Variants in CCL17 observed in about 807,000 individuals in gnomAD.
CCL17 encodes C-C motif chemokine 17.
In CCL17, 8 loss-of-function variants were observed where a neutral mutation model predicts 7.4. The observed-to-expected ratio is 1.09, with a 90% CI of 0.64 to 1.96. The LOEUF (loss-of-function observed/expected upper bound fraction) is 1.96. Ranked by LOEUF, CCL17 falls within the 30% of genes most tolerant of loss-of-function variation. The pLI, the probability that CCL17 is intolerant of heterozygous loss-of-function variation, is 0.00. For synonymous variants in CCL17, 40 were observed against 46.1 expected (o/e 0.87, Z 0.54); for missense variants, 102 against 113.0 (o/e 0.90, Z 0.44).
intron 1 of CCL17, among the ~76,000 whole-genome samples, chr16:57,413,408 C>T (rs1156294358): frequency 6.6e-6 from 1 of 151,306 alleles, no homozygotes; most frequent in Non-Finnish European, 1.5e-5. Flanking sequence ...TCCAGGAGCC[C>T]ATGGGCCCAT....
At chr16:57,403,880 C>T (rs1450350717), upstream of CCL17, among the ~76,000 whole-genome samples, 3 of 150,834 alleles carry the variant, frequency 2.0e-5, no homozygotes, top group Non-Finnish European at 4.4e-5. Flanking sequence ...TGGTCTCGAA[C>T]CCCTGACTTC....
chr16:57,403,584 TAA>T (rs1902646477), upstream of CCL17, among the ~76,000 whole-genome samples: 17 of 66,910 alleles, frequency 2.5e-4, no homozygotes, highest in Admixed American at 2.8e-4. Context: ...ATAATATATA[TAA>T]TATATATTTA....
At chr16:57,403,428 A>AT (rs1902630818), upstream of CCL17, among the ~76,000 whole-genome samples, 1 of 15,836 alleles carries the variant, frequency 6.3e-5, no homozygotes. Flanking sequence ...ATATTATAAT[A>AT]TATATTATAA....
upstream of CCL17, among the ~76,000 whole-genome samples, chr16:57,401,270 T>C (rs1333806633): frequency 2.0e-5 from 3 of 152,044 alleles, no homozygotes; most frequent in Non-Finnish European, 2.9e-5. Flanking sequence ...ACGCCTGTAA[T>C]CCTAGCACTT....
chr16:57,414,238 T>C (rs1306845657), intron 2 of CCL17, among the ~76,000 whole-genome samples: 1 of 151,818 alleles, frequency 6.6e-6, no homozygotes, highest in Non-Finnish European at 1.5e-5. Flanking sequence ...GGCGAGCACA[T>C]CTTGGGCTGC....
At chr16:57,402,948 G>C (rs1296432403), upstream of CCL17, among the ~76,000 whole-genome samples, 1 of 147,738 alleles carries the variant, frequency 6.8e-6, no homozygotes, top group Non-Finnish European at 1.5e-5. Context: ...GGGTACAGGT[G>C]GGAGACAGAT....
At chr16:57,409,650 C>T (rs1023753873) in intron 1 of CCL17, among the ~76,000 whole-genome samples, 14 of 152,124 alleles carry the variant, frequency 9.2e-5, no homozygotes, top group Non-Finnish European at 1.6e-4. Context: ...AGGTAGCCAA[C>T]TAACACACTT....
At chr16:57,412,371 G>A (rs1433646429) in intron 1 of CCL17, among the ~76,000 whole-genome samples, 1 of 152,172 alleles carries the variant, frequency 6.6e-6, no homozygotes, top group Non-Finnish European at 1.5e-5. Flanking sequence ...TCTTTGTCTG[G>A]TTTCCTCTCA....
upstream of CCL17, among the ~76,000 whole-genome samples, chr16:57,400,838 G>A (rs770983057): frequency 2.8e-4 from 42 of 152,004 alleles, no homozygotes; most frequent in Non-Finnish European, 4.6e-4. Flanking sequence ...GCTTGGTGGC[G>A]TGTGCCTGTA....
rs2146543873 is a variant in CCL17 at position 57,415,971 on chromosome 16, G to A, written c.*110G>A. The A allele has an allele frequency of 1.5e-6, 1 of 683,340 alleles. No individual in the cohort carries two copies. Among genetic ancestry groups the A allele is most frequent in the Non-Finnish European group, 2.6e-6 (1 of 378,656 alleles). The allele number at this position is 683,340 out of a possible 1,614,324, so 42.3% of individuals were successfully genotyped here. A position where few individuals can be genotyped will look rare whatever the true frequency, so the allele number is the denominator to read the frequency against. ...CCTGGGTCCAGGGGAGGCCTTCCAG[G>A]GACGAAGAAGAGCCACAGTGAGGGA... On this transcript the variant is annotated 3_prime_UTR_variant, in exon 4 of 4. Coordinates refer to ENST00000219244, the MANE Select transcript of CCL17 (RefSeq NM_002987.3). The surrounding 1 kb of genome is among the most constrained non-coding windows in gnomAD (Gnocchi z 4.5).
intron 1 of CCL17, among the ~76,000 whole-genome samples, chr16:57,411,300 G>A (rs1902781431): frequency 6.6e-6 from 1 of 152,194 alleles, no homozygotes; most frequent in South Asian, 2.1e-4. Flanking sequence ...CCGCCCTGCA[G>A]CCCTGGGCAC....
chr16:57,409,258 C>T (rs147066429), intron 1 of CCL17, among the ~76,000 whole-genome samples: 11 of 152,174 alleles, frequency 7.2e-5, no homozygotes, highest in Non-Finnish European at 1.2e-4. Context: ...GGAAGTGAGA[C>T]GGGGGAACAG....
the CCL17 span, among the ~76,000 whole-genome samples, chr16:57,397,526 C>T: frequency 1.3e-5 from 2 of 152,204 alleles, no homozygotes; most frequent in Admixed American, 6.5e-5. Context: ...TTGACCTCAG[C>T]GTCTGCCTGA....
chr16:57,410,111 G>A (rs903580688), intron 1 of CCL17, among the ~76,000 whole-genome samples: 8 of 152,156 alleles, frequency 5.3e-5, no homozygotes, highest in Non-Finnish European at 8.8e-5. Flanking sequence ...AAGAGCTGCC[G>A]CCCCAGCCGC....
upstream of CCL17, among the ~76,000 whole-genome samples, chr16:57,403,636 ATT>A (rs1304054261): frequency 1.2e-5 from 1 of 84,664 alleles, no homozygotes; most frequent in Admixed American, 2.1e-4. Context: ...TATTATATAT[ATT>A]ATAAATATAT....
rs777076468 is a variant in CCL17, at chr16:57,415,811, A to G, written c.235A>G (p.Lys79Glu). Residue 79 changes from lysine to glutamate, a missense_variant, in exon 4 of 4, where the codon AAG becomes GAG. By Grantham distance (56) the Lys-to-Glu change is moderately conservative. Coordinates refer to ENST00000219244, the MANE Select transcript of CCL17 (RefSeq NM_002987.3). The surrounding 1 kb of genome is among the most constrained non-coding windows in gnomAD (Gnocchi z 4.5). The stretch of plus-strand genomic sequence containing the variant: ...GGCCATCTGTTCGGACCCCAACAAC[A>G]AGAGAGTGAAGAATGCAGTTAAATA... Reference protein sequence around the residue: ...GRAICSDPNNKRVKNAVKYLQ... With the variant: ...GRAICSDPNNERVKNAVKYLQ... The G allele has an allele frequency of 6.2e-7, 1 of 1,613,668 alleles. No individual in the cohort carries two copies. Among genetic ancestry groups the G allele is most frequent in the Non-Finnish European group, 8.5e-7 (1 of 1,179,554 alleles).
intron 1 of CCL17, among the ~76,000 whole-genome samples, chr16:57,405,833 A>T (rs1902686059): frequency 6.6e-6 from 1 of 151,368 alleles, no homozygotes; most frequent in Non-Finnish European, 1.5e-5. Context: ...GGAGATCGAG[A>T]CCATCCTGGC....
At chr16:57,408,670 G>A (rs367930540) in intron 1 of CCL17, among the ~76,000 whole-genome samples, 28 of 151,934 alleles carry the variant, frequency 1.8e-4, no homozygotes, top group African/African-American at 6.3e-4. Flanking sequence ...CCGGGTTCAA[G>A]CGATTCTCCT....
chr16:57,403,935 G>C (rs376768553), upstream of CCL17, among the ~76,000 whole-genome samples: 3 of 151,872 alleles, frequency 2.0e-5, no homozygotes, highest in African/African-American at 7.2e-5. Flanking sequence ...GGGATTACAG[G>C]CGTGAGCCAC....
Sources: allele counts gnomAD v4.1 joint callset (sites outside exome capture counted in the v4.1 genomes callset), GRCh38; gene constraint gnomAD v4.1.1; non-coding constraint Gnocchi (gnomAD v3.1); transcripts MANE v1.5; gene names NCBI Gene and HGNC (gene_info 2026-07-23, HGNC 2026-07-21).